THTPA: variants seen among roughly 807,000 people sequenced by gnomAD.
The protein encoded by THTPA is thiamine triphosphatase.
Under a neutral mutation model 16.5 loss-of-function variants are expected in THTPA, and 16 were observed. That is an observed-to-expected ratio of 0.97 (90% CI 0.66 to 1.47). The LOEUF (loss-of-function observed/expected upper bound fraction) is 1.47. Ranked by LOEUF, THTPA falls within the 40% of genes most tolerant of loss-of-function variation. The pLI is 0.00. For missense variants in THTPA, 281 were observed against 280.9 expected (o/e 1.00, Z 0.00); for synonymous variants, 110 against 115.5 (o/e 0.95, Z 0.30).
the THTPA span, among the ~76,000 whole-genome samples, chr14:23,535,881 C>T: frequency 2.6e-5 from 4 of 152,158 alleles, no homozygotes; most frequent in East Asian, 5.8e-4. This position sits in a 1 kb window ranked among gnomAD's most constrained non-coding sequence, Gnocchi z 4.5. Flanking sequence ...CGTGAGCCAC[C>T]GCGCCCAGCC....
the THTPA span, chr14:23,532,756 G>T: frequency 6.5e-7 from 1 of 1,536,244 alleles, no homozygotes; most frequent in Non-Finnish European, 8.7e-7. Flanking sequence ...CCCGCAGGTG[G>T]GCTGCCAGCT....
the THTPA span, chr14:23,512,735 T>TGTACATATATAC: frequency 6.6e-6 from 1 of 150,706 alleles, no homozygotes; most frequent in Admixed American, 6.6e-5. Flanking sequence ...TGTGTATATA[T>TGTACATATATAC]ATATGCATAT....
chr14:23,545,724 C>A, the THTPA span, among the ~76,000 whole-genome samples: 5 of 152,244 alleles, frequency 3.3e-5, no homozygotes, highest in East Asian at 7.7e-4. Context: ...ATACAGAACA[C>A]AGAGATGGCT....
the THTPA span, chr14:23,522,960 G>T: frequency 5.6e-6 from 8 of 1,435,882 alleles, no homozygotes; most frequent in South Asian, 1.5e-5. Context: ...GTGAAAGGAA[G>T]GATGAAGGAT....
chr14:23,532,663 C>A, the THTPA span: 33 of 1,500,958 alleles, frequency 2.2e-5, no homozygotes, highest in Non-Finnish European at 2.8e-5. Context: ...TGTTGCAGCG[C>A]AGGTGTAGTG....
rs1882457726 is a variant in THTPA at position 23,557,009 on chromosome 14, G to A, written c.252G>A (p.Ala84=). 1 of 1,614,070 alleles carries A rather than the reference G, an allele frequency of 6.2e-7. No homozygotes were observed. Among genetic ancestry groups the A allele is most frequent in the African/African-American group, 1.3e-5 (1 of 74,918 alleles). ...ACACGGAGTATAAGGAACTCACAGC[G>A]GAACCTACAATTGTGGCCCAACTCT... ...GPHTEYKELT[A]EPTIVAQLCK... is the part of the protein sequence containing the mutation. The change falls in exon 1 of 2, where the codon GCG becomes GCA. Residue 84 remains alanine, a synonymous_variant. Transcript: ENST00000288014.
At chr14:23,531,812 C>T in the THTPA span, 1 of 1,258,768 alleles carries the variant, frequency 7.9e-7, no homozygotes, top group South Asian at 3.3e-5. Context: ...GAGTCTTGCC[C>T]TGTTGCCCAG....
the THTPA span, chr14:23,527,458 C>T: frequency 2.1e-5 from 22 of 1,069,546 alleles, no homozygotes; most frequent in Admixed American, 1.5e-4. Flanking sequence ...CTTGTCGGAC[C>T]GTCCTCACCC....
the THTPA span, chr14:23,531,859 C>G: frequency 8.8e-7 from 1 of 1,133,768 alleles, no homozygotes; most frequent in Non-Finnish European, 1.1e-6. Flanking sequence ...CTCACTGAAG[C>G]CTCTACCTCC....
At chr14:23,515,416 G>C in the THTPA span, among the ~76,000 whole-genome samples, 2 of 152,218 alleles carry the variant, frequency 1.3e-5, no homozygotes, top group African/African-American at 4.8e-5. Flanking sequence ...TGTCCTTCCA[G>C]AAAGACTATG....
chr14:23,517,297 C>T, the THTPA span, among the ~76,000 whole-genome samples: 4 of 152,150 alleles, frequency 2.6e-5, no homozygotes, highest in Non-Finnish European at 5.9e-5. Flanking sequence ...GATTACTTCC[C>T]ATCTTTCCCC....
At chr14:23,523,839 C>T in the THTPA span, 16 of 1,536,078 alleles carry the variant, frequency 1.0e-5, no homozygotes, top group Non-Finnish European at 1.4e-5. This position sits in a 1 kb window ranked among gnomAD's most constrained non-coding sequence, Gnocchi z 4.1. Context: ...AGGCTGGAAG[C>T]AGATGAATCA....
At chr14:23,519,356 G>A in the THTPA span, among the ~76,000 whole-genome samples, 1 of 152,140 alleles carries the variant, frequency 6.6e-6, no homozygotes, top group Non-Finnish European at 1.5e-5. Context: ...TTATACACAA[G>A]TCACATTCCC....
At chr14:23,529,971 G>T in the THTPA span, 1 of 977,118 alleles carries the variant, frequency 1.0e-6, no homozygotes, top group Non-Finnish European at 1.5e-6. Flanking sequence ...CTAGCCTCTC[G>T]TGGCTCAGCC....
the THTPA span, among the ~76,000 whole-genome samples, chr14:23,549,341 A>C: frequency 1.3e-5 from 2 of 151,354 alleles, no homozygotes; most frequent in African/African-American, 4.9e-5. Flanking sequence ...AATTCTGTTC[A>C]CCTCTGAAAT....
the THTPA span, chr14:23,533,197 C>T: frequency 2.1e-6 from 3 of 1,435,270 alleles, no homozygotes; most frequent in Non-Finnish European, 2.7e-6. The surrounding 1 kb of genome is among the most constrained non-coding windows in gnomAD (Gnocchi z 4.8). Flanking sequence ...TTATGGTTAC[C>T]TAAGTGGGGA....
chr14:23,522,620 C>G, the THTPA span: 1 of 1,533,320 alleles, frequency 6.5e-7, no homozygotes, highest in Non-Finnish European at 8.7e-7. Flanking sequence ...TGCTGTTCCC[C>G]CAGCAGGGGG....
At chr14:23,532,496 TA>T in the THTPA span, 1 of 1,404,832 alleles carries the variant, frequency 7.1e-7, no homozygotes, top group Non-Finnish European at 9.2e-7. Flanking sequence ...ATCACTTTCT[TA>T]TTCTGCATCT....
intron 1 of THTPA, among the ~76,000 whole-genome samples, chr14:23,557,592 C>A (rs1453778722): frequency 6.6e-6 from 1 of 152,166 alleles, no homozygotes; most frequent in Non-Finnish European, 1.5e-5. Context: ...GCTTACAGTT[C>A]TGTGAAATCT....
Sources: gnomAD v4.1 joint callset for allele counts (sites outside exome capture counted in the v4.1 genomes callset) on GRCh38, gnomAD v4.1.1 for gene constraint, Gnocchi (gnomAD v3.1) non-coding constraint, MANE v1.5 for transcripts, NCBI Gene and HGNC (gene_info 2026-07-23, HGNC 2026-07-21) for gene names.